Variants in GRID2 observed in about 807,000 individuals in gnomAD.
The protein encoded by GRID2 is glutamate receptor ionotropic, delta-2.
Under a neutral mutation model 114.8 loss-of-function variants are expected in GRID2, and 33 were observed. The ratio of observed to expected loss-of-function variants is 0.29; its 90% CI spans 0.22 to 0.38. The LOEUF is 0.38. Among genes scored for constraint, GRID2 ranks in the 10% least tolerant of loss-of-function variants. The probability of loss-of-function intolerance (pLI) is 1.00; values close to 1 mark genes in which losing one functional copy is unlikely to be tolerated. For missense variants in GRID2, 1,184 were observed against 1,257.7 expected (o/e 0.94, Z 0.89); for synonymous variants, 505 against 449.9 (o/e 1.12, Z -1.55).
chr4:93,763,920 G>A (rs1467354733), intron 14 of GRID2, among the ~76,000 whole-genome samples: 2 of 152,122 alleles, frequency 1.3e-5, no homozygotes, highest in East Asian at 3.9e-4. Flanking sequence ...ATTCACCTAT[G>A]GGCCATGATT....
At chr4:93,361,496 T>C (rs1761877156) in intron 8 of GRID2, among the ~76,000 whole-genome samples, 1 of 150,484 alleles carries the variant, frequency 6.6e-6, no homozygotes, top group Non-Finnish European at 1.5e-5. Flanking sequence ...ATTATTATTA[T>C]TATTTGTAGG....
intron 2 of GRID2, among the ~76,000 whole-genome samples, chr4:92,625,416 GA>G (rs1231221558): frequency 6.6e-6 from 1 of 151,724 alleles, no homozygotes; most frequent in Non-Finnish European, 1.5e-5. Context: ...AGATCAAGTA[GA>G]TAATTAGAGG....
intron 13 of GRID2, among the ~76,000 whole-genome samples, chr4:93,583,404 G>A (rs1014725351): frequency 3.9e-5 from 6 of 151,988 alleles, no homozygotes; most frequent in South Asian, 2.1e-4. Flanking sequence ...TGCTGTGGAC[G>A]TTTTTTTCTG....
intron 8 of GRID2, among the ~76,000 whole-genome samples, chr4:93,267,791 C>A (rs1751017970): frequency 1.3e-5 from 2 of 152,200 alleles, no homozygotes; most frequent in Admixed American, 1.3e-4. Flanking sequence ...TCACAAAACC[C>A]AGCCCAAGAC....
At chr4:92,338,743 T>G (rs1727319215) in intron 1 of GRID2, among the ~76,000 whole-genome samples, 2 of 152,196 alleles carry the variant, frequency 1.3e-5, no homozygotes, top group Non-Finnish European at 2.9e-5. Flanking sequence ...TGCAAAATAG[T>G]GTAAAGAAAA....
At chr4:93,531,682 G>T (rs1209704624) in intron 13 of GRID2, among the ~76,000 whole-genome samples, 2 of 151,932 alleles carry the variant, frequency 1.3e-5, no homozygotes, top group African/African-American at 4.8e-5. Context: ...GCCAACATTG[G>T]TGTAAGCAAT....
At chr4:92,569,879 A>G (rs926183736) in intron 1 of GRID2, among the ~76,000 whole-genome samples, 1 of 151,942 alleles carries the variant, frequency 6.6e-6, no homozygotes, top group Non-Finnish European at 1.5e-5. Context: ...AAATGGGTAG[A>G]TTGCAAAAAC....
At chr4:92,569,985 T>C (rs1398024430) in intron 1 of GRID2, among the ~76,000 whole-genome samples, 2 of 152,186 alleles carry the variant, frequency 1.3e-5, no homozygotes, top group Non-Finnish European at 2.9e-5. Flanking sequence ...CTGTCAATTT[T>C]TGCTTTTGTT....
intron 9 of GRID2, among the ~76,000 whole-genome samples, chr4:93,396,184 G>C (rs1251586193): frequency 6.6e-6 from 1 of 152,008 alleles, no homozygotes; most frequent in Non-Finnish European, 1.5e-5. Flanking sequence ...AAGGGAAGCT[G>C]TTGTTTAATA....
At chr4:93,806,347 C>T (rs1008523241) in intron 1 of GRID2, among the ~76,000 whole-genome samples, 1 of 152,210 alleles carries the variant, frequency 6.6e-6, no homozygotes, top group Non-Finnish European at 1.5e-5. Context: ...TGGTAGAACT[C>T]TCTGTTGACT....
chr4:93,221,229 A>C (rs2149488527), intron 6 of GRID2, among the ~76,000 whole-genome samples: 1 of 152,282 alleles, frequency 6.6e-6, no homozygotes, highest in Non-Finnish European at 1.5e-5. Flanking sequence ...TGGATACTAA[A>C]TTTTTAACAG....
intron 7 of GRID2, among the ~76,000 whole-genome samples, chr4:93,232,366 C>T (rs958802111): frequency 6.6e-6 from 1 of 151,776 alleles, no homozygotes; most frequent in Admixed American, 6.6e-5. Context: ...TCTTAATTGA[C>T]CAATTTCTGT....
intron 13 of GRID2, among the ~76,000 whole-genome samples, chr4:93,593,891 G>T (rs1344615400): frequency 6.6e-6 from 1 of 151,876 alleles, no homozygotes; most frequent in Non-Finnish European, 1.5e-5. Context: ...CTCGAGCCTT[G>T]GTTTTCAGGT....
chr4:93,701,281 G>C (rs1201322825), intron 14 of GRID2, among the ~76,000 whole-genome samples: 1 of 152,140 alleles, frequency 6.6e-6, no homozygotes, highest in Non-Finnish European at 1.5e-5. Context: ...AACGAGTTTA[G>C]AGCTAACGCT....
intron 12 of GRID2, among the ~76,000 whole-genome samples, chr4:93,502,367 A>G (rs969629239): frequency 1.3e-5 from 2 of 152,026 alleles, no homozygotes; most frequent in Non-Finnish European, 2.9e-5. Context: ...ATAAACTTTT[A>G]TATCAACTAT....
chr4:92,366,644 G>T (rs936353410), intron 1 of GRID2, among the ~76,000 whole-genome samples: 1 of 151,858 alleles, frequency 6.6e-6, no homozygotes, highest in African/African-American at 2.4e-5. Flanking sequence ...AGCTACATAA[G>T]AAATCAAATC....
At chr4:92,310,965 A>C (rs1725674712) in intron 1 of GRID2, among the ~76,000 whole-genome samples, 1 of 152,244 alleles carries the variant, frequency 6.6e-6, no homozygotes, top group Non-Finnish European at 1.5e-5. Context: ...CTTTGTTGCA[A>C]ACAAGAATTA....
intron 8 of GRID2, among the ~76,000 whole-genome samples, chr4:93,268,131 G>A (rs1189785740): frequency 6.6e-6 from 1 of 152,072 alleles, no homozygotes; most frequent in Non-Finnish European, 1.5e-5. Context: ...ATTTTCTTTT[G>A]CTTTAATGTT....
At chr4:93,143,462 A>G (rs771241432) in intron 4 of GRID2, among the ~76,000 whole-genome samples, 1 of 152,208 alleles carries the variant, frequency 6.6e-6, no homozygotes, top group Admixed American at 6.5e-5. Flanking sequence ...AGATAAAACT[A>G]TACATATTCA....
Sources: allele counts gnomAD v4.1 joint callset (sites outside exome capture counted in the v4.1 genomes callset), GRCh38; gene constraint gnomAD v4.1.1; transcripts MANE v1.5; gene names NCBI Gene and HGNC (gene_info 2026-07-23, HGNC 2026-07-21).